NELL1: variants seen among roughly 807,000 people sequenced by gnomAD.
The protein encoded by NELL1 is neural EGFL like 1, also known as protein kinase C-binding protein NELL1.
NELL1 carries 76 observed loss-of-function variants against 107.4 expected under a neutral mutation model. The ratio of observed to expected loss-of-function variants is 0.71; its 90% CI spans 0.59 to 0.86. The LOEUF (loss-of-function observed/expected upper bound fraction) is 0.86. Ranked by LOEUF, NELL1 falls within the 40% of genes least tolerant of loss-of-function variation. NELL1 has a pLI of 0.00. For missense variants in NELL1, 1,024 were observed against 1,005.5 expected (o/e 1.02, Z -0.25); for synonymous variants, 353 against 341.2 (o/e 1.03, Z -0.38).
At chr11:21,523,889 G>C (rs545181176) in intron 15 of NELL1, among the ~76,000 whole-genome samples, 32 of 152,042 alleles carry the variant, frequency 2.1e-4, no homozygotes, top group African/African-American at 7.2e-4. Flanking sequence ...TCATATGTGT[G>C]TGTGTGTATA....
intron 14 of NELL1, among the ~76,000 whole-genome samples, chr11:21,308,766 A>G (rs1261355777): frequency 6.6e-6 from 1 of 152,048 alleles, no homozygotes; most frequent in Non-Finnish European, 1.5e-5. Flanking sequence ...TGATAGGATC[A>G]TAAGCCACTG....
chr11:21,198,977 C>T (rs1334679898), intron 13 of NELL1, among the ~76,000 whole-genome samples: 1 of 152,128 alleles, frequency 6.6e-6, no homozygotes, highest in Non-Finnish European at 1.5e-5. Context: ...ATTGTAGGAT[C>T]TAGCAAGGCA....
intron 14 of NELL1, among the ~76,000 whole-genome samples, chr11:21,230,263 C>A (rs1031897382): frequency 6.6e-6 from 1 of 152,138 alleles, no homozygotes; most frequent in Non-Finnish European, 1.5e-5. Context: ...ATCTGCCTCC[C>A]CACTAGGATG....
chr11:21,227,955 T>C, intron 13 of NELL1, among the ~76,000 whole-genome samples: 1 of 152,182 alleles, frequency 6.6e-6, no homozygotes, highest in East Asian at 1.9e-4. Flanking sequence ...TAAATGAAGA[T>C]TGATGGTTTT....
chr11:20,704,047 C>G (rs918395028), intron 2 of NELL1, among the ~76,000 whole-genome samples: 4 of 152,028 alleles, frequency 2.6e-5, no homozygotes, highest in African/African-American at 7.2e-5. Context: ...GAGTTCAATT[C>G]CCGGGTATCC....
chr11:21,566,747 G>GTGAT (rs1403239305), intron 17 of NELL1, among the ~76,000 whole-genome samples: 2 of 151,840 alleles, frequency 1.3e-5, no homozygotes, highest in Non-Finnish European at 2.9e-5. Flanking sequence ...AGTTTCTAGT[G>GTGAT]TGATTGTGCT....
At chr11:21,326,623 T>G (rs1333257486) in intron 14 of NELL1, among the ~76,000 whole-genome samples, 2 of 152,170 alleles carry the variant, frequency 1.3e-5, no homozygotes, top group East Asian at 3.8e-4. Flanking sequence ...TGATATCATT[T>G]CCTTCTACCT....
intron 2 of NELL1, among the ~76,000 whole-genome samples, chr11:20,712,951 G>T (rs1211234185): frequency 6.6e-6 from 1 of 152,240 alleles, no homozygotes; most frequent in African/African-American, 2.4e-5. Context: ...TTTCTCGAAT[G>T]CTAGTTAACA....
chr11:21,259,924 T>C (rs1032429550), intron 14 of NELL1: 1 of 151,890 alleles, frequency 6.6e-6, no homozygotes, highest in African/African-American at 2.4e-5. Context: ...AAATTTGAGA[T>C]GTGATTTATG....
intron 15 of NELL1, among the ~76,000 whole-genome samples, chr11:21,434,972 T>A (rs923225720): frequency 5.3e-5 from 8 of 152,174 alleles, no homozygotes; most frequent in African/African-American, 9.7e-5. Context: ...AAAATTATGC[T>A]TTTACCTAGT....
intron 2 of NELL1, among the ~76,000 whole-genome samples, chr11:20,707,265 A>C (rs548008593): frequency 6.6e-6 from 1 of 152,224 alleles, no homozygotes; most frequent in South Asian, 2.1e-4. Flanking sequence ...CATTCATCTA[A>C]TCTTTTTTCA....
intron 2 of NELL1, among the ~76,000 whole-genome samples, chr11:20,701,792 C>G (rs1277035937): frequency 6.6e-6 from 1 of 152,050 alleles, no homozygotes; most frequent in African/African-American, 2.4e-5. Flanking sequence ...TTGTTTTTGT[C>G]AGGTTTGTCA....
chr11:20,864,115 AGACTGTGGG>A (rs1849050081), intron 4 of NELL1, among the ~76,000 whole-genome samples: 1 of 139,840 alleles, frequency 7.2e-6, no homozygotes, highest in African/African-American at 3.3e-5. Flanking sequence ...AGGGAGAGGG[AGACTGTGGG>A]GAGAGGGAGA....
At chr11:21,032,641 G>A (rs1444445019) in intron 12 of NELL1, among the ~76,000 whole-genome samples, 4 of 152,094 alleles carry the variant, frequency 2.6e-5, no homozygotes, top group African/African-American at 9.7e-5. Context: ...ACCCGCCCCA[G>A]CCTCTCAAAG....
intron 11 of NELL1, among the ~76,000 whole-genome samples, chr11:20,957,688 A>G (rs1195536929): frequency 2.6e-5 from 4 of 152,180 alleles, no homozygotes; most frequent in Non-Finnish European, 5.9e-5. Context: ...ATAAGAGACT[A>G]TCAAATTTGA....
In NELL1 at chr11:21,445,296, T is replaced by G. The variant is rs531133223; in HGVS notation, c.1645+74348T>G. Among the ~76,000 whole-genome samples the G allele has an allele frequency of 2.2e-4, 33 of 151,758 alleles. No homozygotes were observed. The South Asian group carries it at 6.5e-3, about 30-fold the overall frequency. ...GGTTTTTTTTGTTTGTTTTGTTTTG[T>G]TTTTTGTTTTTGTTCTTGTTTTTGT... On this transcript the variant is annotated intron_variant, in intron 15 of 19. Coordinates refer to ENST00000357134, the MANE Select transcript of NELL1 (RefSeq NM_006157.5).
chr11:21,119,841 C>T (rs892803274), intron 13 of NELL1, among the ~76,000 whole-genome samples: 1 of 152,032 alleles, frequency 6.6e-6, no homozygotes, highest in South Asian at 2.1e-4. Context: ...TTTCATTTAT[C>T]CCCAACTAAA....
At chr11:21,404,009 C>CACG (rs768666399) in intron 15 of NELL1, among the ~76,000 whole-genome samples, 3 of 107,480 alleles carry the variant, frequency 2.8e-5, no homozygotes, top group South Asian at 4.5e-4. Flanking sequence ...TCCTGAACCC[C>CACG]CCCCCCCGCA....
At chr11:21,105,505 T>C (rs888204429) in intron 12 of NELL1, among the ~76,000 whole-genome samples, 1 of 152,124 alleles carries the variant, frequency 6.6e-6, no homozygotes, top group African/African-American at 2.4e-5. Context: ...GTGAATGTGG[T>C]TGACAAAGAA....
Sources: gnomAD v4.1 joint callset for allele counts (sites outside exome capture counted in the v4.1 genomes callset) on GRCh38, gnomAD v4.1.1 for gene constraint, MANE v1.5 for transcripts, NCBI Gene and HGNC (gene_info 2026-07-23, HGNC 2026-07-21) for gene names.